The following NALCN variants were observed in gnomAD, a reference collection of about 807,000 sequenced individuals.
NALCN encodes the protein sodium leak channel, non-selective, also known as sodium leak channel NALCN.
In NALCN, 111 loss-of-function variants were observed where a neutral mutation model predicts 225.3. That is an observed-to-expected ratio of 0.49 (90% CI 0.42 to 0.58). The LOEUF is 0.58. Ranked by LOEUF, NALCN falls within the 20% of genes least tolerant of loss-of-function variation. The pLI is 0.00. For missense variants in NALCN, 1,378 were observed against 2,202.4 expected, an observed-to-expected ratio of 0.63 and a Z score of 7.49; for synonymous variants, 764 against 769.0, an observed-to-expected ratio of 0.99 and a Z score of 0.11.
chr13:101,190,852 G>C lies in NALCN; in HGVS notation c.1764+1065C>G, dbSNP rs374821037. On this transcript the variant is annotated intron_variant, in intron 14 of 43. Transcript: ENST00000251127. The stretch of plus-strand genomic sequence containing the variant: ...TTGATTTGACAAAGACATTTTTTCA[G>C]ACAACTTTAAACTTCATTATCCAGG... 3.3e-5 allele frequency among the ~76,000 whole-genome samples: 5 copies of C among 152,258 alleles called. No individual in the cohort carries two copies. The East Asian group carries it at 9.6e-4, about 29-fold the overall frequency.
At chr13:101,150,218 G>A (rs1043475752) in intron 15 of NALCN, among the ~76,000 whole-genome samples, 45 of 152,194 alleles carry the variant, frequency 3.0e-4, no homozygotes, top group Non-Finnish European at 5.9e-4. Flanking sequence ...GTGTGCTGCC[G>A]GGTGTCTGCA....
chr13:101,271,678 GTT>G (rs751415337), intron 10 of NALCN, among the ~76,000 whole-genome samples: 2 of 151,956 alleles, frequency 1.3e-5, no homozygotes, highest in Non-Finnish European at 2.9e-5. Context: ...GTACAAGTGT[GTT>G]TGTGCATGTG....
chr13:101,232,137 T>C (rs1278443385), intron 12 of NALCN, among the ~76,000 whole-genome samples: 11 of 151,562 alleles, frequency 7.3e-5, no homozygotes, highest in Non-Finnish European at 1.6e-4. Flanking sequence ...AGAAGAAAGG[T>C]AGGTGAAGAC....
intron 7 of NALCN, among the ~76,000 whole-genome samples, chr13:101,325,645 C>T (rs184378649): frequency 6.0e-4 from 92 of 152,254 alleles, no homozygotes; most frequent in African/African-American, 2.1e-3. Context: ...GTGCTAGCTG[C>T]TTTCTTACGG....
intron 13 of NALCN, among the ~76,000 whole-genome samples, chr13:101,209,483 T>C (rs573581933): frequency 2.6e-5 from 4 of 152,342 alleles, no homozygotes; most frequent in African/African-American, 9.6e-5. Context: ...TGCCATTTTT[T>C]GTTTCCATCT....
In NALCN at chr13:101,401,532, G is replaced by A. The variant is rs527544185; in HGVS notation, c.-39-2367C>T. Among the ~76,000 whole-genome samples, 4 of 152,092 alleles carry A rather than the reference G, an allele frequency of 2.6e-5. No homozygotes were observed. In the East Asian group the frequency reaches 7.7e-4, roughly 29 times the overall value. ...CTTTCACTGAGCAGTGGAGACAATGGGCATATGAATTCCATGCACCTTTAT... is the reference window on the plus strand; with the variant it reads ...CTTTCACTGAGCAGTGGAGACAATGAGCATATGAATTCCATGCACCTTTAT... On this transcript the variant is annotated intron_variant, in intron 1 of 43. Coordinates refer to ENST00000251127, the MANE Select transcript of NALCN (RefSeq NM_052867.4).
intron 6 of NALCN, among the ~76,000 whole-genome samples, chr13:101,349,800 C>A (rs909861717): frequency 6.6e-6 from 1 of 152,132 alleles, no homozygotes; most frequent in African/African-American, 2.4e-5. Flanking sequence ...AGTCTTAGAG[C>A]TACATGTCCA....
chr13:101,070,609 T>A (rs2032805175), intron 37 of NALCN, among the ~76,000 whole-genome samples: 1 of 152,198 alleles, frequency 6.6e-6, no homozygotes, highest in Non-Finnish European at 1.5e-5. Flanking sequence ...AGCTCTTGGG[T>A]GACCAGGTAG....
At chr13:101,116,801 A>C in intron 18 of NALCN, 1 of 382,902 alleles carries the variant, frequency 2.6e-6, no homozygotes, top group South Asian at 2.0e-5. Flanking sequence ...AGGTTGGTTA[A>C]TGTAATGTAA....
chr13:101,307,909 A>C (rs1291737497), intron 7 of NALCN, among the ~76,000 whole-genome samples: 1 of 152,136 alleles, frequency 6.6e-6, no homozygotes, highest in African/African-American at 2.4e-5. Flanking sequence ...ATTTTCACTA[A>C]TCTGTTAGGT....
chr13:101,279,921 A>G (rs1047076981), intron 10 of NALCN, among the ~76,000 whole-genome samples: 2 of 152,032 alleles, frequency 1.3e-5, no homozygotes, highest in African/African-American at 4.8e-5. Flanking sequence ...AGGGTAAGAT[A>G]CCATGGTAGT....
chr13:101,187,415 G>A (rs1450953662), intron 14 of NALCN, among the ~76,000 whole-genome samples: 2 of 152,040 alleles, frequency 1.3e-5, no homozygotes, highest in Admixed American at 6.6e-5. Context: ...AACTAAAAAT[G>A]AAATAAAAAT....
At chr13:101,383,911 A>G (rs1374696107) in intron 3 of NALCN, among the ~76,000 whole-genome samples, 1 of 152,234 alleles carries the variant, frequency 6.6e-6, no homozygotes, top group African/African-American at 2.4e-5. Flanking sequence ...AATTACTATC[A>G]TATTAATCAT....
intron 18 of NALCN, among the ~76,000 whole-genome samples, chr13:101,116,169 C>T (rs1049121626): frequency 4.0e-5 from 6 of 151,894 alleles, no homozygotes; most frequent in Non-Finnish European, 8.8e-5. Flanking sequence ...TATTCTTCAG[C>T]AAACACACAT....
intron 7 of NALCN, among the ~76,000 whole-genome samples, chr13:101,332,870 G>T (rs1235815355): frequency 2.6e-5 from 4 of 152,180 alleles, no homozygotes; most frequent in African/African-American, 4.8e-5. Context: ...AACAATGTCT[G>T]TACACACGCA....
intron 7 of NALCN, among the ~76,000 whole-genome samples, chr13:101,325,643 T>C (rs1260495834): frequency 1.3e-5 from 2 of 152,222 alleles, no homozygotes; most frequent in African/African-American, 4.8e-5. Flanking sequence ...TAGTGCTAGC[T>C]GCTTTCTTAC....
chr13:101,228,594 C>T (rs2041235705), intron 13 of NALCN, among the ~76,000 whole-genome samples: 1 of 152,176 alleles, frequency 6.6e-6, no homozygotes, highest in South Asian at 2.1e-4. Context: ...GTAAGATGTG[C>T]CTTTCACCTT....
intron 13 of NALCN, among the ~76,000 whole-genome samples, chr13:101,199,666 G>T (rs2040035942): frequency 9.2e-6 from 1 of 108,956 alleles, no homozygotes; most frequent in South Asian, 4.1e-4. Flanking sequence ...GGGGGAGGGG[G>T]GAGGGATAGC....
chr13:101,203,287 C>T (rs1367642185), intron 13 of NALCN, among the ~76,000 whole-genome samples: 1 of 152,198 alleles, frequency 6.6e-6, no homozygotes, highest in Non-Finnish European at 1.5e-5. Flanking sequence ...ACGATCTTGG[C>T]TCACTGCAAC....
Sources: gnomAD v4.1 joint callset for allele counts (sites outside exome capture counted in the v4.1 genomes callset) on GRCh38, gnomAD v4.1.1 for gene constraint, MANE v1.5 for transcripts, NCBI Gene and HGNC (gene_info 2026-07-23, HGNC 2026-07-21) for gene names.